Variants in SQSTM1 observed in about 807,000 individuals in gnomAD.
SQSTM1 encodes sequestosome 1, also known as sequestosome-1.
In SQSTM1, 36 loss-of-function variants were observed where a neutral mutation model predicts 45.1. That is an observed-to-expected ratio of 0.80 (90% CI 0.61 to 1.05). SQSTM1 has a LOEUF of 1.05. Ranked by LOEUF, SQSTM1 falls within the 50% of genes least tolerant of loss-of-function variation. The pLI is 0.00. For missense variants in SQSTM1, 617 were observed against 607.1 expected, an observed-to-expected ratio of 1.02 and a Z score of -0.17; for synonymous variants, 290 against 244.3, an observed-to-expected ratio of 1.19 and a Z score of -1.74.
rs116069534 is a variant in SQSTM1, at chr5:179,837,633, G to C, written c.*1040G>C. The C allele has an allele frequency of 2.4e-4, 386 of 1,614,228 alleles. 1 individual carries two copies. The African/African-American group carries it at 4.6e-3, about 19-fold the overall frequency. On this transcript the variant is annotated 3_prime_UTR_variant, in exon 8 of 8. Coordinates refer to ENST00000389805, the MANE Select transcript of SQSTM1 (RefSeq NM_003900.5). ...GAGGCCTGTGCTCTGGGGGTCCCTT[G>C]CTTAGCCTGTGCTGGACCAGCTGGC...
intron 7 of SQSTM1, among the ~76,000 whole-genome samples, chr5:179,834,609 A>C (rs1209956539): frequency 6.6e-6 from 1 of 151,752 alleles, no homozygotes; most frequent in Non-Finnish European, 1.5e-5. Context: ...GGGAGTGGTG[A>C]TGACTCTTAA....
chr5:179,816,805 T>C (rs1437531582), upstream of SQSTM1, among the ~76,000 whole-genome samples: 1 of 152,120 alleles, frequency 6.6e-6, no homozygotes, highest in Non-Finnish European at 1.5e-5. Context: ...CCCCCGTCTT[T>C]TCAGGACCTT....
At chr5:179,831,183 G>T (rs745916315) in intron 5 of SQSTM1, among the ~76,000 whole-genome samples, 2 of 152,214 alleles carry the variant, frequency 1.3e-5, no homozygotes, top group Non-Finnish European at 2.9e-5. Flanking sequence ...GAACGTAAAG[G>T]GGGTCACAGC....
intron 7 of SQSTM1, chr5:179,836,228 C>A (rs565528245): frequency 3.1e-6 from 2 of 644,168 alleles, no homozygotes; most frequent in Non-Finnish European, 5.5e-6. Context: ...TGCCTGGTGT[C>A]GCAGTGGCAG....
At position 179,828,572 on chromosome 5, in the gene SQSTM1, C is replaced by G. The variant is rs533200171; in HGVS notation, c.754+3346C>G. On this transcript the variant is annotated intron_variant, in intron 5 of 7. Transcript: ENST00000389805. Reference sequence around the variant, plus strand: ...TATTTTTAGTAGAGACGAGGTTTCTCTGTGTTGGTCAGGCTGGTCTCGAAC... The same window carrying G: ...TATTTTTAGTAGAGACGAGGTTTCTGTGTGTTGGTCAGGCTGGTCTCGAAC... Among the ~76,000 whole-genome samples, 25 of 152,210 alleles carry G rather than the reference C, an allele frequency of 1.6e-4. No homozygotes were observed. In the South Asian group the frequency reaches 4.8e-3, roughly 29 times the overall value.
chr5:179,823,662 A>G (rs1474824737), intron 2 of SQSTM1, 196 bp from the exon 3 acceptor site: 2 of 613,992 alleles, frequency 3.3e-6, no homozygotes, highest in South Asian at 3.9e-5. Flanking sequence ...TGGGCCAAAC[A>G]GACACAGGGA....
chr5:179,823,749 TG>T, intron 2 of SQSTM1, 108 bp from the exon 3 acceptor site: 1 of 1,244,708 alleles, frequency 8.0e-7, no homozygotes, highest in Non-Finnish European at 1.1e-6. Context: ...GATTCCATGC[TG>T]GAGAGCAGGG....
At chr5:179,812,017 G>C (rs1195656161) in intron 2 of SQSTM1, 1 of 152,076 alleles carries the variant, frequency 6.6e-6, no homozygotes, top group African/African-American at 2.4e-5. Context: ...TGTTAGCCAG[G>C]ATGGTCTCGA....
chr5:179,829,477 T>C (rs1355257866), intron 5 of SQSTM1, among the ~76,000 whole-genome samples: 1 of 151,906 alleles, frequency 6.6e-6, no homozygotes, highest in Admixed American at 6.6e-5. Flanking sequence ...GGAGAAAAGG[T>C]CTTAAAGGGA....
chr5:179,836,381 G>T, intron 7 of SQSTM1, 55 bp from the exon 8 acceptor site: 1 of 1,612,984 alleles, frequency 6.2e-7, no homozygotes, highest in East Asian at 2.2e-5. Flanking sequence ...TATGTGTTTC[G>T]GGTCACTCAC....
chr5:179,836,430 C>T lies in SQSTM1; in HGVS notation c.1166-6C>T, dbSNP rs762322293. On this transcript the variant is annotated splice_polypyrimidine_tract_variant and splice_region_variant and intron_variant, in intron 7 of 7. Coordinates refer to ENST00000389805, the MANE Select transcript of SQSTM1 (RefSeq NM_003900.5). ...ACTCCTCATGGCTTCCTTACTGTTTCGGCAGAGGCTGACCCGCGGCTGATT... is the reference window on the plus strand; with the variant it reads ...ACTCCTCATGGCTTCCTTACTGTTTTGGCAGAGGCTGACCCGCGGCTGATT... 5.5e-5 allele frequency: 88 copies of T among 1,614,024 alleles called. No individual in the cohort carries two copies. Among genetic ancestry groups the T allele is most frequent in the Middle Eastern group, 1.6e-4 (1 of 6,078 alleles).
At chr5:179,821,601 G>T (rs1423674266) in intron 1 of SQSTM1, 1 of 445,376 alleles carries the variant, frequency 2.2e-6, no homozygotes, top group Admixed American at 2.4e-5. Context: ...GCCGGCGAGG[G>T]GAGGGAGTGA....
At chr5:179,815,877 C>T (rs1757561845), upstream of SQSTM1, among the ~76,000 whole-genome samples, 1 of 152,154 alleles carries the variant, frequency 6.6e-6, no homozygotes, top group Non-Finnish European at 1.5e-5. Flanking sequence ...CACACATACA[C>T]TCCCACGCAA....
At chr5:179,835,987 T>C (rs111810336) in intron 7 of SQSTM1, 231 of 276,064 alleles carry the variant, frequency 8.4e-4, no homozygotes, top group African/African-American at 4.7e-3. Flanking sequence ...TTTAACTCCT[T>C]TGCCTTCTCC....
intron 5 of SQSTM1, among the ~76,000 whole-genome samples, chr5:179,830,148 A>C (rs1489689546): frequency 6.6e-6 from 1 of 152,162 alleles, no homozygotes; most frequent in Non-Finnish European, 1.5e-5. Context: ...ACAAAAATGC[A>C]AGATAGTTTC....
chr5:179,826,416 C>T (rs1476032067), intron 5 of SQSTM1, among the ~76,000 whole-genome samples: 2 of 152,026 alleles, frequency 1.3e-5, no homozygotes, highest in Non-Finnish European at 2.9e-5. Flanking sequence ...ATCCACCCGT[C>T]TTGGCCTCCC....
intron 7 of SQSTM1, 118 bp from the exon 8 acceptor site, chr5:179,836,318 G>T (rs541117300): frequency 2.9e-6 from 4 of 1,382,334 alleles, no homozygotes; most frequent in Admixed American, 1.7e-5. Flanking sequence ...CGAGAGCTCT[G>T]GGCAGGCTCG....
intron 4 of SQSTM1, 43 bp downstream of exon 4, chr5:179,824,366 T>A: frequency 6.2e-7 from 1 of 1,612,980 alleles, no homozygotes; most frequent in Non-Finnish European, 8.5e-7. Context: ...GTGACAGTAG[T>A]CAGGCAGCCT....
chr5:179,836,578 T>TC lies in SQSTM1; in HGVS notation c.1313dup (p.Pro439AlafsTer50). 3 of 1,613,798 alleles carry TC rather than the reference T, an allele frequency of 1.9e-6. No individual in the cohort carries two copies. The highest frequency in any genetic ancestry group is 2.5e-6 in the Non-Finnish European group (3 of 1,179,918). ...TGGACACCATCCAGTATTCAAAGCA[T>TC]CCCCCGCCGTTGTGACCACTTTTGC... On this transcript the variant is annotated frameshift_variant, in exon 8 of 8. Transcript: ENST00000389805. LOFTEE classifies it high-confidence loss of function.
Sources: allele counts gnomAD v4.1 joint callset (sites outside exome capture counted in the v4.1 genomes callset), GRCh38; gene constraint gnomAD v4.1.1; transcripts MANE v1.5; gene names NCBI Gene and HGNC (gene_info 2026-07-23, HGNC 2026-07-21).